The following ABTB3 variants were observed in gnomAD, a reference collection of about 807,000 sequenced individuals.
ABTB3 encodes the protein ankyrin repeat- and BTB/POZ domain-containing protein 3.
the ABTB3 span, among the ~76,000 whole-genome samples, chr12:107,351,545 A>G: frequency 6.6e-6 from 1 of 152,174 alleles, no homozygotes; most frequent in Non-Finnish European, 1.5e-5. Flanking sequence ...TGAGACCTTT[A>G]AGAGATAATT....
chr12:107,411,097 T>C, the ABTB3 span, among the ~76,000 whole-genome samples: 17 of 152,076 alleles, frequency 1.1e-4, no homozygotes, highest in African/African-American at 4.1e-4. Flanking sequence ...GTCAGGATTT[T>C]GAGACCACCC....
At chr12:107,430,554 T>C in the ABTB3 span, among the ~76,000 whole-genome samples, 2 of 152,208 alleles carry the variant, frequency 1.3e-5, no homozygotes, top group Non-Finnish European at 2.9e-5. Flanking sequence ...GCCCCTTCTT[T>C]CTAATAGTTG....
the ABTB3 span, among the ~76,000 whole-genome samples, chr12:107,449,809 C>A: frequency 6.6e-6 from 1 of 152,028 alleles, no homozygotes; most frequent in Non-Finnish European, 1.5e-5. Context: ...ACCACACTGG[C>A]TAATTTTTTT....
the ABTB3 span, among the ~76,000 whole-genome samples, chr12:107,624,123 CT>C: frequency 6.6e-6 from 1 of 150,984 alleles, no homozygotes; most frequent in Admixed American, 6.6e-5. Context: ...GAAAGTTTGG[CT>C]TTTCTTCTAT....
the ABTB3 span, chr12:107,374,795 GTGT>G: frequency 2.5e-5 from 4 of 156,870 alleles, no homozygotes; most frequent in African/African-American, 9.6e-5. Context: ...ACATCTGAGA[GTGT>G]TGATGAATGC....
At chr12:107,503,378 G>A in the ABTB3 span, among the ~76,000 whole-genome samples, 1 of 152,208 alleles carries the variant, frequency 6.6e-6, no homozygotes, top group Admixed American at 6.5e-5. Context: ...ACTGTCCCTA[G>A]GAATTGGCTA....
chr12:107,526,310 G>T, the ABTB3 span, among the ~76,000 whole-genome samples: 1 of 152,150 alleles, frequency 6.6e-6, no homozygotes, highest in African/African-American at 2.4e-5. Context: ...GCAATTCTTT[G>T]ATCCTGAGCC....
chr12:107,479,343 G>C, the ABTB3 span, among the ~76,000 whole-genome samples: 1 of 151,696 alleles, frequency 6.6e-6, no homozygotes, highest in Non-Finnish European at 1.5e-5. Context: ...GAGGGTCTTT[G>C]GTACAGTGAA....
At chr12:107,551,559 C>T in the ABTB3 span, among the ~76,000 whole-genome samples, 2 of 152,172 alleles carry the variant, frequency 1.3e-5, no homozygotes, top group Non-Finnish European at 2.9e-5. Flanking sequence ...ATAAATCTGG[C>T]CCACTGTCTG....
At chr12:107,405,838 T>G in the ABTB3 span, among the ~76,000 whole-genome samples, 2,468 of 152,320 alleles carry the variant, frequency 0.016, 73 homozygotes, top group African/African-American at 0.055. Context: ...GCCAGGCGAT[T>G]GGAGACCTGA....
At chr12:107,617,031 G>A in the ABTB3 span, 1 of 1,558,452 alleles carries the variant, frequency 6.4e-7, no homozygotes, top group Non-Finnish European at 8.8e-7. Flanking sequence ...AGTCTTTCCT[G>A]ACACCTGTGC....
At chr12:107,592,103 G>A in the ABTB3 span, among the ~76,000 whole-genome samples, 9 of 152,138 alleles carry the variant, frequency 5.9e-5, no homozygotes, top group South Asian at 8.3e-4. Flanking sequence ...TCCATCTAGC[G>A]TCATCAGCAT....
At chr12:107,424,361 G>A in the ABTB3 span, among the ~76,000 whole-genome samples, 7,555 of 152,242 alleles carry the variant, frequency 0.05, 604 homozygotes, top group African/African-American at 0.17. Context: ...TAAACATCAA[G>A]GTGGCAGAAT....
At chr12:107,641,598 G>A in the ABTB3 span, among the ~76,000 whole-genome samples, 29 of 152,298 alleles carry the variant, frequency 1.9e-4, no homozygotes, top group Middle Eastern at 3.4e-3. Context: ...AGATGATTAG[G>A]TAGTCAACAA....
chr12:107,553,388 C>T, the ABTB3 span, among the ~76,000 whole-genome samples: 2 of 152,174 alleles, frequency 1.3e-5, no homozygotes, highest in Non-Finnish European at 2.9e-5. Context: ...AGATGCAACA[C>T]GGTCATGTAA....
the ABTB3 span, chr12:107,543,908 G>A: frequency 6.3e-7 from 1 of 1,590,852 alleles, no homozygotes; most frequent in Non-Finnish European, 8.6e-7. Flanking sequence ...CTTCCTGGAG[G>A]ATCTGAAATC....
chr12:107,578,971 C>T, the ABTB3 span, among the ~76,000 whole-genome samples: 6 of 152,212 alleles, frequency 3.9e-5, no homozygotes, highest in African/African-American at 4.8e-5. Flanking sequence ...CGGCGGGAGC[C>T]GTGATCCAAG....
chr12:107,554,315 C>A, the ABTB3 span, among the ~76,000 whole-genome samples: 3 of 151,894 alleles, frequency 2.0e-5, no homozygotes, highest in Admixed American at 6.6e-5. Context: ...TATTTCAATA[C>A]ATGTATACAT....
At chr12:107,458,665 A>G in the ABTB3 span, among the ~76,000 whole-genome samples, 2 of 152,146 alleles carry the variant, frequency 1.3e-5, no homozygotes, top group African/African-American at 4.8e-5. Flanking sequence ...GAGAGCCAGG[A>G]CTTGAACCCT....
Sources: allele counts gnomAD v4.1 joint callset (sites outside exome capture counted in the v4.1 genomes callset), GRCh38; gene constraint gnomAD v4.1.1; transcripts MANE v1.5; gene names NCBI Gene and HGNC (gene_info 2026-07-23, HGNC 2026-07-21).